ADGRL2: variants seen among roughly 807,000 people sequenced by gnomAD.
ADGRL2 encodes the protein adhesion G protein-coupled receptor L2, also known as calcium-independent alpha-latrotoxin receptor 2.
A neutral mutation model predicts 157.4 loss-of-function variants in ADGRL2; 44 were observed. The ratio of observed to expected loss-of-function variants is 0.28; its 90% confidence interval spans 0.22 to 0.36. The LOEUF (loss-of-function observed/expected upper bound fraction) is 0.36. ADGRL2 is among the 10% of genes least tolerant of loss of function. The pLI is 1.00. For missense variants in ADGRL2, 1,510 were observed against 1,768.9 expected, an observed-to-expected ratio of 0.85 and a Z score of 2.63; for synonymous variants, 585 against 624.7, an observed-to-expected ratio of 0.94 and a Z score of 0.95.
rs906241625 is a variant in ADGRL2, at chr1:81,936,892, T to C, written c.397+55T>C. 15 of 1,039,676 alleles carry C rather than the reference T, an allele frequency of 1.4e-5. No homozygotes were observed. In the Admixed American group the frequency reaches 2.0e-4, roughly 14 times the overall value. 64.4% of individuals were successfully genotyped at this position (1,039,676 alleles called of 1,614,324 possible). On this transcript the variant is annotated intron_variant, in intron 4 of 23. Transcript: ENST00000686636. ...TTTGCCCAGCATTACTTGTTGATGC[T>C]GAAAGACTACACATGTGAAAGAAGC...
chr1:81,622,909 T>C (rs1218094908), intron 3 of ADGRL2, among the ~76,000 whole-genome samples: 4 of 152,232 alleles, frequency 2.6e-5, no homozygotes, highest in Non-Finnish European at 2.9e-5. Flanking sequence ...TTAATGAATC[T>C]GGAAAGGGAC....
At chr1:81,394,989 C>T (rs2076629500) in intron 1 of ADGRL2, among the ~76,000 whole-genome samples, 1 of 152,052 alleles carries the variant, frequency 6.6e-6, no homozygotes, top group Non-Finnish European at 1.5e-5. Flanking sequence ...ACATCCACCT[C>T]CCAGGTTCAA....
chr1:81,359,716 A>G lies in ADGRL2; in HGVS notation c.-302+53207A>G, dbSNP rs565804332. 2.6e-5 allele frequency among the ~76,000 whole-genome samples: 4 copies of G among 152,062 alleles called. No homozygotes were observed. In the East Asian group the frequency reaches 7.7e-4, roughly 29 times the overall value. On this transcript the variant is annotated intron_variant, in intron 1 of 24. Coordinates refer to the ADGRL2 transcript ENST00000370721. ...AGCTAATAGACATCTCAAATTTAACATTCCCCAAAGCAGAACTTTACATTT... is the reference window on the plus strand; with the variant it reads ...AGCTAATAGACATCTCAAATTTAACGTTCCCCAAAGCAGAACTTTACATTT...
intron 3 of ADGRL2, among the ~76,000 whole-genome samples, chr1:81,617,810 C>T (rs2081694797): frequency 6.6e-6 from 1 of 152,196 alleles, no homozygotes; most frequent in Non-Finnish European, 1.5e-5. Flanking sequence ...ATTACCTCAG[C>T]AAACAGACAT....
chr1:81,970,220 T>C, intron 15 of ADGRL2, 94 bp from the exon 16 acceptor site: 1 of 832,946 alleles, frequency 1.2e-6, no homozygotes, highest in Non-Finnish European at 2.0e-6. Context: ...TTTGAAATAA[T>C]AGTGATTTCT....
intron 1 of ADGRL2, among the ~76,000 whole-genome samples, chr1:81,325,518 C>T (rs1028589236): frequency 2.0e-5 from 3 of 152,178 alleles, no homozygotes; most frequent in African/African-American, 7.2e-5. Flanking sequence ...CACCTTTCTA[C>T]CAGAAGGGCA....
At chr1:81,403,058 C>T (rs990316685) in intron 1 of ADGRL2, among the ~76,000 whole-genome samples, 2 of 152,242 alleles carry the variant, frequency 1.3e-5, no homozygotes, top group African/African-American at 4.8e-5. Context: ...AAGTGTAGAA[C>T]GGAAAGGTTC....
At chr1:81,626,578 G>A (rs780776440) in intron 3 of ADGRL2, among the ~76,000 whole-genome samples, 1 of 152,202 alleles carries the variant, frequency 6.6e-6, no homozygotes, top group Non-Finnish European at 1.5e-5. Context: ...TGGCCTGAAT[G>A]CTGTACTTTC....
chr1:81,719,691 G>A (rs1232343786), intron 1 of ADGRL2, among the ~76,000 whole-genome samples: 1 of 151,836 alleles, frequency 6.6e-6, no homozygotes, highest in Non-Finnish European at 1.5e-5. Context: ...TATCCAAACT[G>A]AATGCACTTT....
chr1:81,369,646 C>G (rs564367002), intron 1 of ADGRL2, among the ~76,000 whole-genome samples: 12 of 152,098 alleles, frequency 7.9e-5, no homozygotes, highest in African/African-American at 2.9e-4. Flanking sequence ...GCCATGTATA[C>G]TTTTTTCATG....
intron 3 of ADGRL2, among the ~76,000 whole-genome samples, chr1:81,591,943 G>A (rs2081141873): frequency 6.6e-6 from 1 of 152,136 alleles, no homozygotes; most frequent in Non-Finnish European, 1.5e-5. Context: ...CTAAAGCAGA[G>A]GACTTAACTA....
intron 2 of ADGRL2, chr1:81,502,813 G>A: frequency 6.2e-7 from 1 of 1,612,090 alleles, no homozygotes. Context: ...ACCTGCTGCG[G>A]CTACTGCTGC....
chr1:81,358,565 G>A (rs2075912447), intron 1 of ADGRL2, among the ~76,000 whole-genome samples: 1 of 152,120 alleles, frequency 6.6e-6, no homozygotes, highest in African/African-American at 2.4e-5. Context: ...TAGAACATAT[G>A]AAATTTTCTT....
intron 2 of ADGRL2, among the ~76,000 whole-genome samples, chr1:81,485,249 A>C (rs1281038684): frequency 6.6e-6 from 1 of 151,974 alleles, no homozygotes; most frequent in Admixed American, 6.6e-5. Flanking sequence ...AATAAAAATC[A>C]TTAGGGAATT....
At chr1:81,467,677 C>G (rs2078088289) in intron 2 of ADGRL2, among the ~76,000 whole-genome samples, 1 of 152,052 alleles carries the variant, frequency 6.6e-6, no homozygotes, top group African/African-American at 2.4e-5. Context: ...GTGACTGGTA[C>G]TTTTGTGAGC....
chr1:81,711,994 T>C (rs2083946056), intron 1 of ADGRL2, among the ~76,000 whole-genome samples: 1 of 152,212 alleles, frequency 6.6e-6, no homozygotes, highest in Admixed American at 6.5e-5. Flanking sequence ...CTGAGTGTGA[T>C]CCTGAAGGAC....
chr1:81,721,722 C>A, intron 1 of ADGRL2: 2 of 1,400,552 alleles, frequency 1.4e-6, no homozygotes, highest in Non-Finnish European at 2.0e-6. Context: ...AACGAGCAGG[C>A]CCTTGTGAAA....
At chr1:81,332,263 G>T (rs1661325214) in intron 1 of ADGRL2, among the ~76,000 whole-genome samples, 1 of 152,090 alleles carries the variant, frequency 6.6e-6, no homozygotes, top group Non-Finnish European at 1.5e-5. Context: ...CAAGGTTCTA[G>T]AATATATACT....
chr1:81,799,305 T>TGTAG (rs10692890), upstream of ADGRL2, among the ~76,000 whole-genome samples: 44,185 of 151,944 alleles, frequency 0.29, 7,032 homozygotes, highest in Middle Eastern at 0.49. Flanking sequence ...TAAGTGTGTA[T>TGTAG]GTAGTTTAAA....
Sources: gnomAD v4.1 joint callset for allele counts (sites outside exome capture counted in the v4.1 genomes callset) on GRCh38, gnomAD v4.1.1 for gene constraint, MANE v1.5 for transcripts, NCBI Gene and HGNC (gene_info 2026-07-23, HGNC 2026-07-21) for gene names.